The following CPED1 variants were observed in gnomAD, a reference collection of about 807,000 sequenced individuals.
CPED1 encodes the protein cadherin-like and PC-esterase domain-containing protein 1.
A neutral mutation model predicts 128.2 loss-of-function variants in CPED1; 114 were observed. The observed-to-expected ratio is 0.89, with a 90% CI of 0.76 to 1.04. The LOEUF is 1.04. Among genes scored for constraint, CPED1 ranks in the 50% least tolerant of loss-of-function variants. The pLI is 0.00. For synonymous variants in CPED1, 462 were observed against 426.7 expected, an observed-to-expected ratio of 1.08 and a Z score of -1.02; for missense variants, 1,211 against 1,207.1, an observed-to-expected ratio of 1.00 and a Z score of -0.05.
chr7:120,993,743 G>A (rs1224086357), intron 2 of CPED1, among the ~76,000 whole-genome samples: 1 of 152,166 alleles, frequency 6.6e-6, no homozygotes, highest in African/African-American at 2.4e-5. Flanking sequence ...GCAAACAGAA[G>A]GGAGTACATT....
chr7:121,029,580 G>A (rs1792678966), intron 3 of CPED1, among the ~76,000 whole-genome samples: 2 of 151,928 alleles, frequency 1.3e-5, no homozygotes, highest in Non-Finnish European at 2.9e-5. Context: ...GAATAATGAG[G>A]GTTTACATTT....
intron 5 of CPED1, among the ~76,000 whole-genome samples, chr7:121,090,671 G>A (rs1416554518): frequency 6.6e-6 from 1 of 152,158 alleles, no homozygotes; most frequent in Non-Finnish European, 1.5e-5. Flanking sequence ...ATGTGTTTAG[G>A]CCAGGCGTGG....
chr7:121,065,416 A>T (rs1200949896), intron 5 of CPED1, among the ~76,000 whole-genome samples: 1 of 152,146 alleles, frequency 6.6e-6, no homozygotes. Flanking sequence ...GGGGAGAAGC[A>T]AATAAAATAA....
At position 121,126,899 on chromosome 7, in the gene CPED1, TAATTGTATCTTTA is replaced by T. The variant is rs560126609; in HGVS notation, c.1135-175_1135-163del. ...TAATTTTCTTATACTGTACATTAAA[TAATTGTATCTTTA>T]AATTGTATCTTTAAAAAAAATTACT... is the stretch of plus-strand genomic sequence containing the variant. On this transcript the variant is annotated intron_variant, in intron 9 of 22. Transcript: ENST00000310396. Among the ~76,000 whole-genome samples the T allele has an allele frequency of 9.9e-4, 151 of 152,288 alleles. No homozygotes were observed. The Middle Eastern group carries it at 0.014, about 14-fold the overall frequency.
At chr7:121,276,993 T>C (rs1328705378) in intron 22 of CPED1, among the ~76,000 whole-genome samples, 3 of 151,854 alleles carry the variant, frequency 2.0e-5, no homozygotes, top group Non-Finnish European at 4.4e-5. Context: ...AAGAACAAGT[T>C]AGAGAAGTTA....
chr7:121,164,362 C>T lies in CPED1; in HGVS notation c.2055+22221C>T, dbSNP rs565611535. On this transcript the variant is annotated intron_variant, in intron 16 of 22. Coordinates refer to ENST00000310396, the MANE Select transcript of CPED1 (RefSeq NM_024913.5). Reference sequence around the variant, plus strand: ...CAATGTAGCAACTGAGGAATCCCCTCCCCGAAAGACAGTAGGACTATGTTG... The same window carrying T: ...CAATGTAGCAACTGAGGAATCCCCTTCCCGAAAGACAGTAGGACTATGTTG... Among the ~76,000 whole-genome samples, 13 of 152,328 alleles carry T rather than the reference C, an allele frequency of 8.5e-5. 1 individual carries two copies. In the South Asian group the frequency reaches 2.5e-3, roughly 29 times the overall value.
chr7:121,009,534 G>A (rs749907473), intron 2 of CPED1, among the ~76,000 whole-genome samples: 42 of 149,838 alleles, frequency 2.8e-4, no homozygotes, highest in Non-Finnish European at 5.2e-4. Context: ...TTGAGCCTGA[G>A]AGGAGGAGGT....
intron 9 of CPED1, among the ~76,000 whole-genome samples, chr7:121,126,643 C>T (rs1795510580): frequency 6.6e-6 from 1 of 152,034 alleles, no homozygotes; most frequent in African/African-American, 2.4e-5. Flanking sequence ...TTATAGATGG[C>T]TCATACATTT....
intron 22 of CPED1, among the ~76,000 whole-genome samples, chr7:121,288,638 C>T (rs1426110104): frequency 6.6e-6 from 1 of 152,166 alleles, no homozygotes; most frequent in South Asian, 2.1e-4. Context: ...AGCATCTACA[C>T]CAGCATTATC....
At chr7:121,245,848 G>A (rs1415920234) in intron 18 of CPED1, among the ~76,000 whole-genome samples, 5 of 151,880 alleles carry the variant, frequency 3.3e-5, no homozygotes, top group Admixed American at 2.0e-4. Context: ...CTGCCACCAC[G>A]CCTGGCTAAT....
chr7:121,198,642 T>A (rs1244349913), intron 16 of CPED1, among the ~76,000 whole-genome samples: 3 of 152,126 alleles, frequency 2.0e-5, no homozygotes, highest in African/African-American at 7.2e-5. Flanking sequence ...CTCTCTGAAA[T>A]TCACTACGCC....
intron 5 of CPED1, among the ~76,000 whole-genome samples, chr7:121,094,860 T>C (rs959844438): frequency 1.3e-5 from 2 of 152,180 alleles, no homozygotes; most frequent in African/African-American, 4.8e-5. Flanking sequence ...TTCACTTTTA[T>C]TCTGGGTAAA....
chr7:121,194,043 TATATA>T (rs1253952856), intron 16 of CPED1, among the ~76,000 whole-genome samples: 1,039 of 93,378 alleles, frequency 0.011, 25 homozygotes, highest in African/African-American at 0.027. Context: ...TATATATATA[TATATA>T]TTTTTTTTTT....
intron 16 of CPED1, among the ~76,000 whole-genome samples, chr7:121,145,907 T>A (rs1796014476): frequency 1.3e-5 from 2 of 152,174 alleles, no homozygotes; most frequent in African/African-American, 2.4e-5. Flanking sequence ...CCAAAGCCTA[T>A]GCAGGCAAAT....
At chr7:121,120,881 G>A (rs1445806017) in intron 7 of CPED1, among the ~76,000 whole-genome samples, 1 of 147,940 alleles carries the variant, frequency 6.8e-6, no homozygotes, top group Admixed American at 7.0e-5. Flanking sequence ...AATGTCATAG[G>A]TTTGTTTATT....
intron 4 of CPED1, chr7:121,050,524 C>T (rs1438224760): frequency 1.5e-5 from 2 of 137,772 alleles, no homozygotes; most frequent in Admixed American, 9.3e-5. Context: ...AATGCAATGG[C>T]GCAATCTCAG....
chr7:121,139,982 T>A (rs1369156711), intron 14 of CPED1, among the ~76,000 whole-genome samples: 2 of 152,086 alleles, frequency 1.3e-5, no homozygotes, highest in African/African-American at 4.8e-5. Context: ...AATGAAATAC[T>A]CCTTGACATT....
intron 5 of CPED1, among the ~76,000 whole-genome samples, chr7:121,074,614 C>T (rs1201690778): frequency 2.2e-5 from 3 of 138,876 alleles, no homozygotes; most frequent in African/African-American, 7.9e-5. Context: ...GGGAACTCGT[C>T]TGCTGCCTCT....
rs533081857 is a variant in CPED1 at position 121,106,309 on chromosome 7, G to A, written c.918+6215G>A. 7.2e-5 allele frequency among the ~76,000 whole-genome samples: 11 copies of A among 151,922 alleles called. No individual in the cohort carries two copies. The East Asian group carries it at 1.9e-3, about 27-fold the overall frequency. ...TTAACTAACATAATGCTTTATATAG[G>A]TAGATGCTATATAATGCTTTATATA... On this transcript the variant is annotated intron_variant, in intron 7 of 22. Transcript: ENST00000310396.
Sources: allele counts gnomAD v4.1 joint callset (sites outside exome capture counted in the v4.1 genomes callset), GRCh38; gene constraint gnomAD v4.1.1; transcripts MANE v1.5; gene names NCBI Gene and HGNC (gene_info 2026-07-23, HGNC 2026-07-21).